The following ITGB7 variants were observed in gnomAD, a reference collection of about 807,000 sequenced individuals.
ITGB7 encodes the protein integrin subunit beta 7.
Under a neutral mutation model 83.4 loss-of-function variants are expected in ITGB7, and 55 were observed. That is an observed-to-expected ratio of 0.66 (90% CI 0.53 to 0.83). ITGB7 has a LOEUF of 0.83. Ranked by LOEUF, ITGB7 falls within the 40% of genes least tolerant of loss-of-function variation. The pLI is 0.00. For missense variants in ITGB7, 921 were observed against 1,046.7 expected, an observed-to-expected ratio of 0.88 and a Z score of 1.66; for synonymous variants, 454 against 423.6, an observed-to-expected ratio of 1.07 and a Z score of -0.88.
rs772447440 is a variant in ITGB7 at position 53,193,299 on chromosome 12, G to A, written c.1567C>T (p.Leu523=). 4 of 1,612,162 alleles carry A rather than the reference G, an allele frequency of 2.5e-6. No homozygotes were observed. The highest frequency in any genetic ancestry group is 1.3e-5 in the African/African-American group (1 of 74,996). The stretch of plus-strand genomic sequence containing the variant: ...TTGGGAGCCCGGCACCCAGATTCCA[G>A]GTCTGGGGAGGACAGCTCTGCCACA... ...CSVAELSSPD[L]ESGCRAPNGT... The change falls in exon 12 of 16, where the codon CTG becomes TTG. Residue 523 remains leucine, a synonymous_variant. Transcript: ENST00000267082.
chr12:53,199,661 A>G (rs74088990), intron 3 of ITGB7, among the ~76,000 whole-genome samples: 18,113 of 151,686 alleles, frequency 0.12, 2,467 homozygotes, highest in African/African-American at 0.33. Context: ...TTACAAGAAG[A>G]GAGGCAGTTC....
At chr12:53,195,321 C>A in intron 9 of ITGB7, 53 bp downstream of exon 9, 1 of 1,360,342 alleles carries the variant, frequency 7.4e-7, no homozygotes, top group South Asian at 1.2e-5. Flanking sequence ...GGGCCCCTTT[C>A]CACCTTTCCC....
At position 53,191,886 on chromosome 12, in the gene ITGB7, C is replaced by T. The variant is rs267603534; in HGVS notation, c.2289G>A (p.Lys763=). The change falls in exon 15 of 16, where the codon AAG becomes AAA. Residue 763 remains lysine, a synonymous_variant. Transcript: ENST00000267082. The part of the protein sequence containing the change: ...YDRREYSRFE[K]EQQQLNWKQD... ...GCTTCCAGTTGAGTTGTTGCTGCTC[C>T]TTCTCAAAGCGACTGTATTCCCGGC... 8.9e-5 allele frequency: 144 copies of T among 1,613,148 alleles called. No homozygotes were observed. Among genetic ancestry groups the T allele is most frequent in the Admixed American group, 3.2e-4 (19 of 59,986 alleles).
chr12:53,195,551 C>T lies in ITGB7; in HGVS notation c.1071+75G>A, dbSNP rs754285033. On this transcript the variant is annotated intron_variant, in intron 8 of 15. Coordinates refer to ENST00000267082, the MANE Select transcript of ITGB7 (RefSeq NM_000889.3). Reference sequence around the variant, plus strand: ...GTCTGGAAGGAGGGCATATGGGGGACGGAGAATGTATCTTTGGGGGAATTG... The same window carrying T: ...GTCTGGAAGGAGGGCATATGGGGGATGGAGAATGTATCTTTGGGGGAATTG... 1.1e-4 allele frequency: 164 copies of T among 1,520,338 alleles called. 1 individual carries two copies. The highest frequency in any genetic ancestry group is 2.5e-4 in the African/African-American group (18 of 72,878). 94.2% of individuals were successfully genotyped at this position (1,520,338 alleles called of 1,614,324 possible). A position where few individuals can be genotyped will look rare whatever the true frequency, so the allele number is the denominator to read the frequency against.
chr12:53,206,412 C>T (rs1942444293), intron 1 of ITGB7, among the ~76,000 whole-genome samples: 1 of 152,248 alleles, frequency 6.6e-6, no homozygotes, highest in South Asian at 2.1e-4. Flanking sequence ...CAGGGCAGGG[C>T]CAGGCCTCTG....
chr12:53,192,440 A>C lies in ITGB7; in HGVS notation c.2045T>G (p.Ile682Ser), dbSNP rs1284477472. 6.2e-7 allele frequency: 1 copy of C among 1,613,960 alleles called. No individual in the cohort carries two copies. Among genetic ancestry groups the C allele is most frequent in the Non-Finnish European group, 8.5e-7 (1 of 1,180,040 alleles). ...HTNVTLALAP[I>S]LDDGWCKERT... is the part of the protein sequence containing the mutation. ...CTCTTTGCACCAGCCATCATCCAAG[A>C]TAGGGGCCAAGGCCAGGGTCACATT... Residue 682 changes from isoleucine (I) to serine (S), a missense_variant, in exon 14 of 16, where the codon ATC (isoleucine) becomes AGC (serine). Ile to Ser is a moderately radical substitution (Grantham distance 142). Coordinates refer to ENST00000267082, the MANE Select transcript of ITGB7 (RefSeq NM_000889.3).
chr12:53,202,054 C>T lies in ITGB7; in HGVS notation c.-126-860G>A, dbSNP rs151236118. Among the ~76,000 whole-genome samples, 54 of 152,262 alleles carry T rather than the reference C, an allele frequency of 3.5e-4. 1 individual carries two copies. The East Asian group carries it at 9.7e-3, about 27-fold the overall frequency. ...GTGCCAAACCATTCAATGAGAAAAA[C>T]TGTCTTCAAAAAATGGGGCTGGGGC... On this transcript the variant is annotated intron_variant, in intron 1 of 15. Transcript: ENST00000267082.
At chr12:53,193,430 AG>A in intron 11 of ITGB7, 67 bp from the exon 12 acceptor site, 1 of 1,203,568 alleles carries the variant, frequency 8.3e-7, no homozygotes, top group Admixed American at 2.8e-5. Context: ...TGTCTCTCCC[AG>A]GAACCTCTAA....
In ITGB7 at chr12:53,197,869, T is replaced by C; in HGVS notation, c.284A>G (p.Glu95Gly). 6.5e-7 allele frequency: 1 copy of C among 1,533,954 alleles called. No individual in the cohort carries two copies. ...ELLARGCPLE[E>G]LEEPRGQQEV... ...CTGCTGGCCGCGGGGCTCCTCCAGCTCCTCCAGCGGGCAGCCTCGAGCCAG... is the reference window on the plus strand; with the variant it reads ...CTGCTGGCCGCGGGGCTCCTCCAGCCCCTCCAGCGGGCAGCCTCGAGCCAG... Residue 95 changes from glutamate to glycine, a missense_variant, in exon 4 of 16, where the codon GAG (glutamate) becomes GGG (glycine). By Grantham distance (98) the Glu-to-Gly change is moderately conservative. Transcript: ENST00000267082.
chr12:53,201,020 G>A (rs1214708120), intron 2 of ITGB7, 52 bp downstream of exon 2: 1 of 152,570 alleles, frequency 6.6e-6, no homozygotes, highest in Non-Finnish European at 1.5e-5. Flanking sequence ...CCTACTAAAG[G>A]ATTTGGGGAC....
intron 1 of ITGB7, among the ~76,000 whole-genome samples, chr12:53,204,108 A>G (rs1942380604): frequency 6.6e-6 from 1 of 152,138 alleles, no homozygotes; most frequent in African/African-American, 2.4e-5. Context: ...GTCTGGGCAC[A>G]GTGGCTCACG....
chr12:53,203,224 CA>C (rs1942357436), intron 1 of ITGB7, among the ~76,000 whole-genome samples: 1 of 152,112 alleles, frequency 6.6e-6, no homozygotes, highest in Non-Finnish European at 1.5e-5. Context: ...AATTCAACAA[CA>C]AAAAGACAAC....
chr12:53,200,276 G>T lies in ITGB7; in HGVS notation c.168C>A (p.Leu56=). 1 of 1,614,138 alleles carries T rather than the reference G, an allele frequency of 6.2e-7. No homozygotes were observed. The highest frequency in any genetic ancestry group is 2.2e-5 in the East Asian group (1 of 44,884). ...QPAPSCQKCI[L]SHPSCAWCKQ... is the part of the protein sequence containing the mutation. ...TGCACCATGCACAGCTGGGGTGTGA[G>T]AGGATGCACTTCTGGCAGGAGGGGG... Residue 56 remains leucine (L), a synonymous_variant, in exon 3 of 16, where the codon CTC becomes CTA. Coordinates refer to ENST00000267082, the MANE Select transcript of ITGB7 (RefSeq NM_000889.3).
chr12:53,202,094 C>T (rs1052904675), intron 1 of ITGB7, among the ~76,000 whole-genome samples: 3 of 152,228 alleles, frequency 2.0e-5, no homozygotes, highest in Non-Finnish European at 2.9e-5. Context: ...CACAGTGGCT[C>T]ATGCCTGTAA....
At chr12:53,200,218 T>C (rs1179689222) in intron 3 of ITGB7, 25 bp downstream of exon 3, 1 of 1,598,722 alleles carries the variant, frequency 6.3e-7, no homozygotes. Flanking sequence ...TACACATGGT[T>C]CAAAGACCAT....
chr12:53,203,573 G>A lies in ITGB7; in HGVS notation c.-126-2379C>T, dbSNP rs950049646. Among the ~76,000 whole-genome samples, 41 of 150,166 alleles carry A rather than the reference G, an allele frequency of 2.7e-4. 1 individual carries two copies. Among genetic ancestry groups the A allele is most frequent in the Middle Eastern group, 3.4e-3 (1 of 290 alleles). On this transcript the variant is annotated intron_variant, in intron 1 of 15. Transcript: ENST00000267082. ...TGAGGCACAAGAATCGCTTGAACCC[G>A]GGAGGCAGAGGCTTCAGTGAGCCAA...
Position 53,196,145 on chromosome 12 carries a change from T to C in ITGB7, c.871A>G (p.Thr291Ala). 1 of 1,614,174 alleles carries C rather than the reference T, an allele frequency of 6.2e-7. No homozygotes were observed. The highest frequency in any genetic ancestry group is 1.1e-5 in the South Asian group (1 of 91,084). Residue 291 changes from threonine (T) to alanine (A), a missense_variant, in exon 7 of 16, where the codon ACA becomes GCA. Coordinates refer to ENST00000267082, the MANE Select transcript of ITGB7 (RefSeq NM_000889.3). ...SRLLVFTSDD[T>A]FHTAGDGKLG... ...TTCCCGTCCCCAGCTGTATGGAATG[T>C]GTCGTCTGAAGTGAACACCAGCAGC...
intron 1 of ITGB7, among the ~76,000 whole-genome samples, chr12:53,203,894 C>A (rs1366744275): frequency 6.6e-6 from 1 of 152,050 alleles, no homozygotes; most frequent in African/African-American, 2.4e-5. Context: ...TATAACCTGG[C>A]AATTTCACTC....
chr12:53,193,031 A>AT, intron 12 of ITGB7, 109 bp downstream of exon 12: 1 of 1,356,466 alleles, frequency 7.4e-7, no homozygotes, highest in Non-Finnish European at 1.0e-6. Context: ...CCTCTAACCC[A>AT]TACACCGGAA....
Sources: allele counts gnomAD v4.1 joint callset (sites outside exome capture counted in the v4.1 genomes callset), GRCh38; gene constraint gnomAD v4.1.1; transcripts MANE v1.5; gene names NCBI Gene and HGNC (gene_info 2026-07-23, HGNC 2026-07-21).